Variants in ATAD3C observed in about 807,000 individuals in gnomAD.
ATAD3C encodes the protein ATPase family AAA domain-containing protein 3C.
In ATAD3C, 38 loss-of-function variants were observed where a neutral mutation model predicts 46.3. The observed-to-expected ratio is 0.82, with a 90% confidence interval of 0.63 to 1.08. The LOEUF (loss-of-function observed/expected upper bound fraction) is 1.08. Ranked by LOEUF, ATAD3C falls within the 50% of genes least tolerant of loss-of-function variation. The probability of loss-of-function intolerance (pLI) is 0.00; values close to 1 mark genes in which losing one functional copy is unlikely to be tolerated. For missense variants in ATAD3C, 563 were observed against 572.7 expected (o/e 0.98, Z 0.17); for synonymous variants, 220 against 236.4 (o/e 0.93, Z 0.63).
In ATAD3C at chr1:1,450,425, G is replaced by A. The variant is rs893792240; in HGVS notation, c.-259G>A. On this transcript the variant is annotated 5_prime_UTR_variant, in exon 1 of 12. An upstream start codon of the reference 5' UTR is lost. Coordinates refer to ENST00000378785, the MANE Select transcript of ATAD3C (RefSeq NM_001039211.3). ...GGAAAGAGCCTCCTCCCGTCCACAT[G>A]GGATGGCCTTCCTGATGTGGCTCTC... is the stretch of plus-strand genomic sequence containing the variant. 2.1e-6 allele frequency: 1 copy of A among 484,196 alleles called. No homozygotes were observed. The highest frequency in any genetic ancestry group is 3.8e-6 in the Non-Finnish European group (1 of 264,826). 30.0% of individuals were successfully genotyped at this position (484,196 alleles called of 1,614,324 possible). A position where few individuals can be genotyped will look rare whatever the true frequency, so the allele number is the denominator to read the frequency against.
chr1:1,454,456 A>G lies in ATAD3C; in HGVS notation c.334A>G (p.Thr112Ala). The G allele has an allele frequency of 6.2e-7, 1 of 1,609,812 alleles. No homozygotes were observed. The highest frequency in any genetic ancestry group is 8.5e-7 in the Non-Finnish European group (1 of 1,179,232). The change falls in exon 4 of 12, where the codon ACG becomes GCG. Residue 112 changes from threonine to alanine, a missense_variant. Physicochemically the swap from Thr to Ala is moderately conservative, Grantham distance 58. Around this residue, in one of 3 missense-constraint regions of ATAD3C, gnomAD observed 263 missense variants for 243.1 expected, o/e 1.08. Transcript: ENST00000378785. ...GGGGAAGCCGTCCCTAGTGAGGGAG[A>G]CGTCCCGCATCACGGTGCTTGAGGC... ...RLGKPSLVRE[T>A]SRITVLEALR...
rs1638836783 is a variant in ATAD3C at position 1,450,559 on chromosome 1, G to A, written c.-125G>A. 3 of 1,246,392 alleles carry A rather than the reference G, an allele frequency of 2.4e-6. No individual in the cohort carries two copies. The South Asian group carries it at 4.1e-5, about 17-fold the overall frequency. The allele number at this position is 1,246,392 out of a possible 1,614,324, so 77.2% of individuals were successfully genotyped here. On this transcript the variant is annotated 5_prime_UTR_variant, in exon 1 of 12. Coordinates refer to ENST00000378785, the MANE Select transcript of ATAD3C (RefSeq NM_001039211.3). ...CTAGGAAGGAGGATGGGGAGGCAGG[G>A]CTGGGGGCTTTGAGGTCGAGGCGTG...
intron 11 of ATAD3C, among the ~76,000 whole-genome samples, chr1:1,464,989 G>T (rs1339618729): frequency 6.6e-6 from 1 of 151,346 alleles, no homozygotes; most frequent in Non-Finnish European, 1.5e-5. Context: ...GGGTTAAAGT[G>T]ATTCTCCTGA....
At position 1,455,913 on chromosome 1, in the gene ATAD3C, C is replaced by T. The variant is rs950265223; in HGVS notation, c.561C>T (p.Ala187=). 6.2e-7 allele frequency: 1 copy of T among 1,613,038 alleles called. No individual in the cohort carries two copies. Among genetic ancestry groups the T allele is most frequent in the African/African-American group, 1.3e-5 (1 of 74,856 alleles). Reference sequence around the variant, plus strand: ...CAGGCACCGGGAAGACGCTGTTTGCCAAGGTGAGAGTGCCTAGCTGAACAG... The same window carrying T: ...CAGGCACCGGGAAGACGCTGTTTGCTAAGGTGAGAGTGCCTAGCTGAACAG... ...GPPGTGKTLF[A]KKLALHSGMD... is the part of the protein sequence containing the mutation. Residue 187 remains alanine, a synonymous_variant, in exon 6 of 12, where the codon GCC becomes GCT. Coordinates refer to ENST00000378785, the MANE Select transcript of ATAD3C (RefSeq NM_001039211.3).
intron 3 of ATAD3C, among the ~76,000 whole-genome samples, chr1:1,453,158 G>C (rs1013284053): frequency 3.5e-4 from 53 of 152,122 alleles, no homozygotes; most frequent in African/African-American, 1.1e-3. Flanking sequence ...ATGTTGGTGA[G>C]ACGGTGTCAC....
Position 1,468,547 on chromosome 1 carries a change from C to T in ATAD3C, c.*17C>T. ...TCATCCTGAGTCCATGGGGAGACCA[C>T]ACCTCACGGAGCCTGGCCGCGGACC... On this transcript the variant is annotated 3_prime_UTR_variant, in exon 12 of 12. Transcript: ENST00000378785. The T allele has an allele frequency of 2.5e-6, 4 of 1,594,930 alleles. No individual in the cohort carries two copies. Among genetic ancestry groups the T allele is most frequent in the Middle Eastern group, 1.7e-4 (1 of 5,964 alleles).
intron 11 of ATAD3C, among the ~76,000 whole-genome samples, chr1:1,464,205 A>C (rs1346931403): frequency 1.6e-5 from 2 of 127,968 alleles, no homozygotes; most frequent in Non-Finnish European, 3.1e-5. Flanking sequence ...AGACTGTCTC[A>C]AAAAAAAAAA....
intron 5 of ATAD3C, 101 bp downstream of exon 5, chr1:1,455,620 T>G (rs2100477633): frequency 6.3e-7 from 1 of 1,584,694 alleles, no homozygotes; most frequent in South Asian, 1.1e-5. Flanking sequence ...CCCAGGATCT[T>G]TTGGGTCCTG....
chr1:1,454,088 C>A (rs1311418024), intron 3 of ATAD3C, among the ~76,000 whole-genome samples: 1 of 152,080 alleles, frequency 6.6e-6, no homozygotes, highest in African/African-American at 2.4e-5. Flanking sequence ...CGCTCAGCGA[C>A]CAGAGCTTTG....
rs1363040597 is a variant in ATAD3C, at chr1:1,462,681, G to T, written c.1062G>T (p.Lys354Asn). The change falls in exon 11 of 12, where the codon AAG becomes AAT. Residue 354 changes from lysine to asparagine, a missense_variant. This residue lies in a region of ATAD3C where 273 missense variants were observed against 253.5 expected (regional missense o/e 1.08). Coordinates refer to ENST00000378785, the MANE Select transcript of ATAD3C (RefSeq NM_001039211.3). The surrounding 1 kb of genome is among the most constrained non-coding windows in gnomAD (Gnocchi z 4.5). The stretch of plus-strand genomic sequence containing the variant: ...TGACAGAGGGCATGTCATGCCGGAA[G>T]ATCGCACAGCTGGCCGTGTCCTGGC... ...ARLTEGMSCR[K>N]IAQLAVSWQA... 4.4e-6 allele frequency: 7 copies of T among 1,605,770 alleles called. No individual in the cohort carries two copies. Among genetic ancestry groups the T allele is most frequent in the Non-Finnish European group, 5.9e-6 (7 of 1,176,672 alleles).
At chr1:1,458,122 G>A (rs537852200) in intron 8 of ATAD3C, among the ~76,000 whole-genome samples, 11 of 144,476 alleles carry the variant, frequency 7.6e-5, no homozygotes, top group Non-Finnish European at 1.4e-4. Flanking sequence ...GGGATTACAG[G>A]TGTGTGCCAC....
chr1:1,459,236 G>C lies in ATAD3C; in HGVS notation c.812+5G>C. On this transcript the variant is annotated splice_donor_5th_base_variant and intron_variant, in intron 9 of 11. Transcript: ENST00000378785. The surrounding 1 kb of genome is among the most constrained non-coding windows in gnomAD (Gnocchi z 4.9). Reference sequence around the variant, plus strand: ...CACGGGCCAGCACAGCAACAAGTGAGGGAGCCCCTCGGGTCCTGGGCCCCC... The same window carrying C: ...CACGGGCCAGCACAGCAACAAGTGACGGAGCCCCTCGGGTCCTGGGCCCCC... 1 of 1,612,290 alleles carries C rather than the reference G, an allele frequency of 6.2e-7. No individual in the cohort carries two copies. Among genetic ancestry groups the C allele is most frequent in the Admixed American group, 1.7e-5 (1 of 59,898 alleles).
chr1:1,451,937 C>T, intron 1 of ATAD3C, 109 bp from the exon 2 acceptor site: 1 of 1,498,730 alleles, frequency 6.7e-7, no homozygotes, highest in Non-Finnish European at 8.9e-7. Context: ...CCCCAGGTGC[C>T]CGGGACGCTT....
chr1:1,455,342 G>A (rs928377431), intron 4 of ATAD3C, 118 bp from the exon 5 acceptor site: 31 of 1,436,626 alleles, frequency 2.2e-5, no homozygotes, highest in Non-Finnish European at 2.8e-5. Flanking sequence ...GCTCCAGGCC[G>A]GTCCTGGCTG....
chr1:1,454,276 C>T lies in ATAD3C; in HGVS notation c.223-69C>T, dbSNP rs1481546095. Reference sequence around the variant, plus strand: ...GGCGGAGAGAGGGTGGGGGCAGCCCCGTGCGTCTCCTGCTCTAGGAGGGAG... The same window carrying T: ...GGCGGAGAGAGGGTGGGGGCAGCCCTGTGCGTCTCCTGCTCTAGGAGGGAG... On this transcript the variant is annotated intron_variant, in intron 3 of 11. Coordinates refer to ENST00000378785, the MANE Select transcript of ATAD3C (RefSeq NM_001039211.3). The T allele has an allele frequency of 1.1e-5, 17 of 1,524,594 alleles. 1 individual carries two copies. The highest frequency in any genetic ancestry group is 4.7e-4 in the Middle Eastern group (2 of 4,274). The allele number at this position is 1,524,594 out of a possible 1,614,324, so 94.4% of individuals were successfully genotyped here. A position where few individuals can be genotyped will look rare whatever the true frequency, so the allele number is the denominator to read the frequency against.
chr1:1,465,086 A>G (rs376792940), intron 11 of ATAD3C, among the ~76,000 whole-genome samples: 11 of 150,500 alleles, frequency 7.3e-5, no homozygotes, highest in African/African-American at 2.7e-4. Context: ...GGGTTTCACC[A>G]TGTTGGCCAG....
chr1:1,462,430 C>G lies in ATAD3C; in HGVS notation c.981-170C>G. On this transcript the variant is annotated intron_variant, in intron 10 of 11. Coordinates refer to ENST00000378785, the MANE Select transcript of ATAD3C (RefSeq NM_001039211.3). This position sits in a 1 kb window ranked among gnomAD's most constrained non-coding sequence, Gnocchi z 4.5. ...ACAGCCGCCCCCTTCCTGCTCAGCC[C>G]AGGCCTGGCTTGCGTCAGGAAGGGG... 1.4e-6 allele frequency: 1 copy of G among 695,140 alleles called. No homozygotes were observed. The highest frequency in any genetic ancestry group is 1.7e-5 in the South Asian group (1 of 58,074). The allele number at this position is 695,140 out of a possible 1,614,324, so 43.1% of individuals were successfully genotyped here.
chr1:1,461,872 C>T (rs1014682821), intron 10 of ATAD3C, among the ~76,000 whole-genome samples: 1 of 152,122 alleles, frequency 6.6e-6, no homozygotes, highest in Non-Finnish European at 1.5e-5. Context: ...GCTCTTGCTT[C>T]CTGCTGCACA....
At chr1:1,452,159 A>T (rs1175640795) in intron 2 of ATAD3C, 37 bp downstream of exon 2, 1 of 1,609,088 alleles carries the variant, frequency 6.2e-7, no homozygotes, top group Admixed American at 1.7e-5. Context: ...CCGCAGATGG[A>T]GCCCCCACAG....
Sources: gnomAD v4.1 joint callset for allele counts (sites outside exome capture counted in the v4.1 genomes callset) on GRCh38, gnomAD v4.1.1 for gene constraint, gnomAD v4.1.1 regional missense constraint, Gnocchi (gnomAD v3.1) non-coding constraint, MANE v1.5 for transcripts, NCBI Gene and HGNC (gene_info 2026-07-23, HGNC 2026-07-21) for gene names.